Variants in SPPL3 observed in about 807,000 individuals in gnomAD.
The protein encoded by SPPL3 is signal peptide peptidase-like 3.
Under a neutral mutation model 42.4 loss-of-function variants are expected in SPPL3, and 5 were observed. That is an observed-to-expected ratio of 0.12 (90% CI 0.06 to 0.25). The LOEUF (loss-of-function observed/expected upper bound fraction) is 0.25. SPPL3 is among the 10% of genes least tolerant of loss of function. SPPL3 has a pLI of 1.00. For missense variants in SPPL3, 235 were observed against 489.0 expected (o/e 0.48, Z 4.90); for synonymous variants, 195 against 181.8 (o/e 1.07, Z -0.58).
At chr12:120,770,570 C>T (rs1869080588) in intron 6 of SPPL3, among the ~76,000 whole-genome samples, 2 of 152,176 alleles carry the variant, frequency 1.3e-5, no homozygotes, top group African/African-American at 2.4e-5. Context: ...TCCTCTTACC[C>T]GACCTTTAGG....
chr12:120,872,512 A>C (rs1215216454), intron 1 of SPPL3, among the ~76,000 whole-genome samples: 1 of 152,194 alleles, frequency 6.6e-6, no homozygotes, highest in Non-Finnish European at 1.5e-5. Flanking sequence ...CAATGCACTG[A>C]GGAGCCAACA....
chr12:120,868,393 T>G (rs1593003766), intron 1 of SPPL3, among the ~76,000 whole-genome samples: 1 of 152,196 alleles, frequency 6.6e-6, no homozygotes, highest in East Asian at 1.9e-4. Flanking sequence ...CAAAGTGTAG[T>G]CCACGGACCA....
At chr12:120,874,445 CCT>C (rs1402528888) in intron 1 of SPPL3, among the ~76,000 whole-genome samples, 3 of 119,700 alleles carry the variant, frequency 2.5e-5, no homozygotes, top group African/African-American at 8.5e-5. Context: ...AGAGCGAGAC[CCT>C]GTCGCAAAAA....
At chr12:120,831,386 C>T (rs1006494389) in intron 1 of SPPL3, among the ~76,000 whole-genome samples, 1 of 152,094 alleles carries the variant, frequency 6.6e-6, no homozygotes, top group African/African-American at 2.4e-5. Flanking sequence ...CAGCACTCAC[C>T]CCAAATTAAG....
intron 1 of SPPL3, among the ~76,000 whole-genome samples, chr12:120,860,255 T>C (rs1486965002): frequency 6.6e-6 from 1 of 152,096 alleles, no homozygotes; most frequent in African/African-American, 2.4e-5. Context: ...CAATAAAGAT[T>C]ATATCACATT....
intron 1 of SPPL3, among the ~76,000 whole-genome samples, chr12:120,896,814 C>T (rs964902512): frequency 6.6e-6 from 1 of 151,892 alleles, no homozygotes; most frequent in African/African-American, 2.4e-5. Context: ...GCAAACACTT[C>T]TTAATTTATA....
rs1319305360 is a variant in SPPL3 at position 120,903,902 on chromosome 12, G to A, written c.-35C>T. 1 of 1,347,700 alleles carries A rather than the reference G, an allele frequency of 7.4e-7. No individual in the cohort carries two copies. The highest frequency in any genetic ancestry group is 3.6e-5 in the Admixed American group (1 of 27,474). 83.5% of individuals were successfully genotyped at this position (1,347,700 alleles called of 1,614,324 possible). On this transcript the variant is annotated 5_prime_UTR_variant, in exon 1 of 11. Coordinates refer to ENST00000353487, the MANE Select transcript of SPPL3 (RefSeq NM_139015.5). ...TCTCGTGGGCTCCGCTGCAGGCTGT[G>A]GCCGGGCCCGGCGGCGGCGGGCTCG...
chr12:120,847,645 G>A (rs1320937107), intron 1 of SPPL3, among the ~76,000 whole-genome samples: 2 of 151,234 alleles, frequency 1.3e-5, no homozygotes, highest in Non-Finnish European at 1.5e-5. Flanking sequence ...TGCCCAGGAC[G>A]GTTTGAAACT....
chr12:120,792,427 T>G (rs1869949162), intron 2 of SPPL3, among the ~76,000 whole-genome samples: 1 of 152,104 alleles, frequency 6.6e-6, no homozygotes, highest in Non-Finnish European at 1.5e-5. Context: ...TGTTTGTGGG[T>G]GCAGTGGCTC....
intron 1 of SPPL3, among the ~76,000 whole-genome samples, chr12:120,844,543 C>T (rs1425466652): frequency 2.0e-5 from 3 of 152,216 alleles, no homozygotes; most frequent in Admixed American, 2.0e-4. Flanking sequence ...ACACCCCACA[C>T]ACATGGCTGA....
intron 10 of SPPL3, among the ~76,000 whole-genome samples, 172 bp downstream of exon 10, chr12:120,766,089 AGC>A (rs762176472): frequency 0.026 from 3,689 of 142,650 alleles, 122 homozygotes; most frequent in African/African-American, 0.075. Flanking sequence ...ACGCCAGGGT[AGC>A]GCGCGCGCGC....
chr12:120,839,714 T>C (rs990288697), intron 1 of SPPL3, among the ~76,000 whole-genome samples: 1 of 152,144 alleles, frequency 6.6e-6, no homozygotes, highest in African/African-American at 2.4e-5. Context: ...AACAATAAGA[T>C]ACAGACTGTA....
At chr12:120,835,925 A>G (rs1406949326) in intron 1 of SPPL3, among the ~76,000 whole-genome samples, 1 of 152,240 alleles carries the variant, frequency 6.6e-6, no homozygotes, top group Non-Finnish European at 1.5e-5. Flanking sequence ...CCCTTGCAAC[A>G]GAACTGTTCT....
At chr12:120,801,177 T>C (rs143700621) in intron 2 of SPPL3, among the ~76,000 whole-genome samples, 2 of 152,328 alleles carry the variant, frequency 1.3e-5, no homozygotes, top group Non-Finnish European at 2.9e-5. Flanking sequence ...GAAAGATTAA[T>C]TGAGAGTCTG....
At chr12:120,795,023 C>T (rs1870051535) in intron 2 of SPPL3, among the ~76,000 whole-genome samples, 2 of 152,238 alleles carry the variant, frequency 1.3e-5, no homozygotes, top group South Asian at 4.2e-4. Context: ...TATTTCCCTC[C>T]CTCAACCTTT....
chr12:120,775,547 G>A (rs1158740226), intron 6 of SPPL3, among the ~76,000 whole-genome samples: 1 of 152,180 alleles, frequency 6.6e-6, no homozygotes, highest in Non-Finnish European at 1.5e-5. Flanking sequence ...AAAACGAGGG[G>A]ACTGAATCAG....
At chr12:120,845,255 C>T (rs560142298) in intron 1 of SPPL3, 1 of 396,834 alleles carries the variant, frequency 2.5e-6, no homozygotes. Context: ...GCTGCATTCA[C>T]GGCATTGGAG....
intron 6 of SPPL3, among the ~76,000 whole-genome samples, chr12:120,772,757 A>C (rs767130553): frequency 7.9e-5 from 12 of 152,152 alleles, no homozygotes; most frequent in Non-Finnish European, 1.5e-4. Flanking sequence ...CACAGAGGAG[A>C]AAAAGCTGCC....
intron 6 of SPPL3, among the ~76,000 whole-genome samples, chr12:120,776,421 T>C (rs1239709405): frequency 1.3e-5 from 2 of 152,176 alleles, no homozygotes; most frequent in Non-Finnish European, 2.9e-5. Context: ...TAGTATGTCT[T>C]ACAGAGAGGT....
Sources: gnomAD v4.1 joint callset for allele counts (sites outside exome capture counted in the v4.1 genomes callset) on GRCh38, gnomAD v4.1.1 for gene constraint, MANE v1.5 for transcripts, NCBI Gene and HGNC (gene_info 2026-07-23, HGNC 2026-07-21) for gene names.